CDH13: variants seen among roughly 807,000 people sequenced by gnomAD.
CDH13 encodes cadherin 13, also known as cadherin-13.
Under a neutral mutation model 63.8 loss-of-function variants are expected in CDH13, and 24 were observed. The observed-to-expected ratio is 0.38, with a 90% CI of 0.27 to 0.53. CDH13 has a LOEUF of 0.53. Among genes scored for constraint, CDH13 ranks in the 20% least tolerant of loss-of-function variants. The pLI is 0.85. For missense variants in CDH13, 1,049 were observed against 903.1 expected (o/e 1.16, Z -2.07); for synonymous variants, 503 against 355.3 (o/e 1.42, Z -4.67).
chr16:83,115,685 A>G (rs561799688), intron 3 of CDH13, among the ~76,000 whole-genome samples: 209 of 152,222 alleles, frequency 1.4e-3, no homozygotes, highest in Non-Finnish European at 2.6e-3. Flanking sequence ...GCCTGCCTGG[A>G]AGACGTATTT....
chr16:82,966,544 C>A (rs748565192), intron 2 of CDH13, among the ~76,000 whole-genome samples: 1 of 152,182 alleles, frequency 6.6e-6, no homozygotes, highest in Non-Finnish European at 1.5e-5. Context: ...TCAAACATTC[C>A]GATCCAGATT....
At chr16:83,579,114 A>C (rs752104725) in intron 7 of CDH13, among the ~76,000 whole-genome samples, 2 of 152,240 alleles carry the variant, frequency 1.3e-5, no homozygotes, top group African/African-American at 2.4e-5. Flanking sequence ...TCATTTGTCC[A>C]GGCCCACAGT....
intron 1 of CDH13, among the ~76,000 whole-genome samples, chr16:82,813,174 G>C (rs1434694602): frequency 2.0e-5 from 3 of 152,262 alleles, no homozygotes; most frequent in Middle Eastern, 3.4e-3. Flanking sequence ...TTTTGGAGTA[G>C]ACTGTGAAAT....
At chr16:82,804,108 G>C (rs2037016086) in intron 1 of CDH13, among the ~76,000 whole-genome samples, 1 of 148,942 alleles carries the variant, frequency 6.7e-6, no homozygotes, top group Admixed American at 6.7e-5. Context: ...CGCGCCTGTA[G>C]TCCCAGCTAC....
At chr16:83,677,156 C>G (rs1915022850) in intron 9 of CDH13, among the ~76,000 whole-genome samples, 1 of 152,196 alleles carries the variant, frequency 6.6e-6, no homozygotes, top group Non-Finnish European at 1.5e-5. Context: ...GAGACCCACT[C>G]TGGGAAATGC....
intron 1 of CDH13, among the ~76,000 whole-genome samples, chr16:82,854,630 G>A (rs1398593841): frequency 6.6e-6 from 1 of 152,100 alleles, no homozygotes; most frequent in African/African-American, 2.4e-5. Flanking sequence ...AGATGAGTCT[G>A]CATTCTTCTC....
At chr16:83,433,944 G>C (rs1489305147) in intron 6 of CDH13, among the ~76,000 whole-genome samples, 1 of 151,936 alleles carries the variant, frequency 6.6e-6, no homozygotes, top group African/African-American at 2.4e-5. Flanking sequence ...CTTTGCGTTG[G>C]GGGGGAATCA....
At chr16:83,569,292 A>G (rs1904351772) in intron 7 of CDH13, among the ~76,000 whole-genome samples, 2 of 151,956 alleles carry the variant, frequency 1.3e-5, no homozygotes, top group East Asian at 1.9e-4. Flanking sequence ...CCAGCTCCAC[A>G]CTGCACTCCA....
intron 1 of CDH13, among the ~76,000 whole-genome samples, chr16:82,820,471 C>G (rs900786390): frequency 2.0e-5 from 3 of 152,192 alleles, no homozygotes; most frequent in African/African-American, 7.2e-5. Flanking sequence ...TTTAAGTAAC[C>G]TCCCCACAGT....
chr16:83,142,632 A>G (rs1164332540), intron 4 of CDH13, among the ~76,000 whole-genome samples: 1 of 152,124 alleles, frequency 6.6e-6, no homozygotes, highest in Non-Finnish European at 1.5e-5. Flanking sequence ...TTAATTAAGT[A>G]TTTGTTCAAT....
chr16:83,751,589 G>T (rs142014717), intron 11 of CDH13, among the ~76,000 whole-genome samples: 1 of 152,216 alleles, frequency 6.6e-6, no homozygotes, highest in Admixed American at 6.5e-5. Context: ...CCAAGGTAGT[G>T]AAGTTAGTTG....
chr16:83,014,864 ATATG>A (rs1399045459), intron 2 of CDH13, among the ~76,000 whole-genome samples: 1 of 137,570 alleles, frequency 7.3e-6, no homozygotes, highest in East Asian at 2.0e-4. Context: ...TTGTATATAT[ATATG>A]TATATATATA....
chr16:83,620,357 C>G (rs980856544), intron 8 of CDH13, among the ~76,000 whole-genome samples: 3 of 133,620 alleles, frequency 2.2e-5, no homozygotes, highest in Non-Finnish European at 4.6e-5. Context: ...CACCACTGCA[C>G]TACAACCTGT....
chr16:82,840,780 A>G (rs2038977680), intron 1 of CDH13, among the ~76,000 whole-genome samples: 2 of 152,104 alleles, frequency 1.3e-5, no homozygotes, highest in African/African-American at 4.8e-5. Flanking sequence ...AGCTGCTTTA[A>G]GGAGATACTG....
chr16:83,221,595 GC>G (rs2039701042), intron 5 of CDH13, among the ~76,000 whole-genome samples: 1 of 151,642 alleles, frequency 6.6e-6, no homozygotes, highest in African/African-American at 2.4e-5. Flanking sequence ...CTGCAAATTT[GC>G]CAATATGGGA....
intron 7 of CDH13, among the ~76,000 whole-genome samples, chr16:83,490,009 CCACACACACACACACA>C (rs10666213): frequency 3.9e-4 from 54 of 137,382 alleles, no homozygotes; most frequent in Admixed American, 8.7e-4. Flanking sequence ...GCTGCAGAAA[CCACACACACACACACA>C]CACACACACA....
chr16:83,138,361 G>A (rs960096550), intron 4 of CDH13, among the ~76,000 whole-genome samples: 1 of 151,992 alleles, frequency 6.6e-6, no homozygotes, highest in African/African-American at 2.4e-5. Flanking sequence ...GCGCTGTGAT[G>A]GGGTGCTGTG....
chr16:82,738,976 A>G (rs1321545163), intron 1 of CDH13, among the ~76,000 whole-genome samples: 2 of 152,212 alleles, frequency 1.3e-5, no homozygotes, highest in African/African-American at 2.4e-5. Flanking sequence ...GATAAAGTTA[A>G]TGCAGAAATG....
intron 1 of CDH13, among the ~76,000 whole-genome samples, chr16:82,804,278 C>T (rs988429429): frequency 1.4e-4 from 5 of 36,276 alleles, no homozygotes; most frequent in African/African-American, 3.6e-4. Flanking sequence ...GATCTTGCTA[C>T]ACACACACAC....
Sources: allele counts gnomAD v4.1 joint callset (sites outside exome capture counted in the v4.1 genomes callset), GRCh38; gene constraint gnomAD v4.1.1; transcripts MANE v1.5; gene names NCBI Gene and HGNC (gene_info 2026-07-23, HGNC 2026-07-21).